SLC9A9: variants seen among roughly 807,000 people sequenced by gnomAD.
The protein encoded by SLC9A9 is solute carrier family 9 member A9.
Under a neutral mutation model 77.8 loss-of-function variants are expected in SLC9A9, and 62 were observed. That is an observed-to-expected ratio of 0.80 (90% CI 0.65 to 0.98). SLC9A9 has a LOEUF of 0.98. Ranked by LOEUF, SLC9A9 falls within the 50% of genes least tolerant of loss-of-function variation. The probability of loss-of-function intolerance (pLI) is 0.00; values close to 1 mark genes in which losing one functional copy is unlikely to be tolerated. For missense variants in SLC9A9, 775 were observed against 774.9 expected (o/e 1.00, Z 0.00); for synonymous variants, 320 against 283.5 (o/e 1.13, Z -1.29).
intron 5 of SLC9A9, among the ~76,000 whole-genome samples, chr3:143,658,731 C>A (rs1242058): frequency 0.54 from 81,405 of 151,888 alleles, 22,021 homozygotes; most frequent in Middle Eastern, 0.6. Flanking sequence ...TGATTAAAAA[C>A]CAGAAATACA....
At chr3:143,725,630 G>A (rs9821627) in intron 4 of SLC9A9, among the ~76,000 whole-genome samples, 31,767 of 125,470 alleles carry the variant, frequency 0.25, 4,339 homozygotes, top group Non-Finnish European at 0.34. Context: ...GTAAACTATC[G>A]TAAGGACAAA....
intron 12 of SLC9A9, among the ~76,000 whole-genome samples, chr3:143,444,171 T>C (rs1182149799): frequency 6.6e-6 from 1 of 152,214 alleles, no homozygotes; most frequent in Non-Finnish European, 1.5e-5. Flanking sequence ...CAACTGCATT[T>C]ATAAATGAAG....
chr3:143,556,108 T>C (rs2036975236), intron 8 of SLC9A9, among the ~76,000 whole-genome samples: 1 of 152,244 alleles, frequency 6.6e-6, no homozygotes, highest in Non-Finnish European at 1.5e-5. Context: ...CAAAGTTGAC[T>C]GTTTTCTACC....
chr3:143,778,965 T>C (rs529455898), intron 4 of SLC9A9, among the ~76,000 whole-genome samples: 29 of 152,346 alleles, frequency 1.9e-4, no homozygotes, highest in Non-Finnish European at 3.2e-4. Flanking sequence ...AACAGAGTGC[T>C]ATTACCAATG....
At chr3:143,377,992 AC>A (rs1162325763) in intron 13 of SLC9A9, among the ~76,000 whole-genome samples, 1 of 151,452 alleles carries the variant, frequency 6.6e-6, no homozygotes, top group Non-Finnish European at 1.5e-5. Flanking sequence ...CCTCTCCTCA[AC>A]CCCTTCTCAC....
chr3:143,368,316 A>G (rs538098781), intron 13 of SLC9A9, among the ~76,000 whole-genome samples: 1 of 152,352 alleles, frequency 6.6e-6, no homozygotes, highest in Admixed American at 6.5e-5. Flanking sequence ...GAGAAAACAA[A>G]AGGTTCTGGC....
chr3:143,294,013 T>C (rs924574061), intron 14 of SLC9A9, among the ~76,000 whole-genome samples: 13 of 152,206 alleles, frequency 8.5e-5, no homozygotes, highest in African/African-American at 3.1e-4. Context: ...ATGTAAAATT[T>C]TGTAGAATAT....
At position 143,265,892 on chromosome 3, in the gene SLC9A9, G is replaced by T. The variant is rs113375950; in HGVS notation, c.*810C>A. The T allele has an allele frequency of 3.7e-4, 222 of 604,206 alleles. 4 individuals are homozygous for T. The highest frequency in any genetic ancestry group is 3.0e-3 in the South Asian group (155 of 51,230). The allele number at this position is 604,206 out of a possible 1,614,324, so 37.4% of individuals were successfully genotyped here. The stretch of plus-strand genomic sequence containing the variant: ...CCTACCCTCCAGCATATCGCGGGGA[G>T]GGGGGGACCTGCTGCACAGCCAAGA... On this transcript the variant is annotated 3_prime_UTR_variant, in exon 16 of 16. Coordinates refer to ENST00000316549, the MANE Select transcript of SLC9A9 (RefSeq NM_173653.4).
At chr3:143,673,983 A>G (rs2039198184) in intron 5 of SLC9A9, among the ~76,000 whole-genome samples, 1 of 152,210 alleles carries the variant, frequency 6.6e-6, no homozygotes, top group South Asian at 2.1e-4. Flanking sequence ...GTATCTGGAA[A>G]TTTTATGTTC....
At chr3:143,391,990 G>T (rs1413970162) in intron 12 of SLC9A9, among the ~76,000 whole-genome samples, 2 of 152,064 alleles carry the variant, frequency 1.3e-5, no homozygotes, top group Non-Finnish European at 2.9e-5. Context: ...GTACCTGAAA[G>T]TGATGGGGAG....
chr3:143,740,073 G>A (rs1196487685), intron 4 of SLC9A9, among the ~76,000 whole-genome samples: 1 of 152,132 alleles, frequency 6.6e-6, no homozygotes, highest in African/African-American at 2.4e-5. Context: ...TGCTGACAAA[G>A]TCCAACTTCT....
intron 13 of SLC9A9, among the ~76,000 whole-genome samples, chr3:143,377,960 T>A (rs2033218735): frequency 6.6e-6 from 1 of 152,168 alleles, no homozygotes; most frequent in African/African-American, 2.4e-5. Context: ...CCTCCATACT[T>A]GCTGTAGCCT....
At chr3:143,551,609 A>G (rs1311694900) in intron 9 of SLC9A9, among the ~76,000 whole-genome samples, 2 of 152,328 alleles carry the variant, frequency 1.3e-5, no homozygotes, top group Non-Finnish European at 1.5e-5. Flanking sequence ...TCATCTCTGG[A>G]AACTTTCTCC....
chr3:143,549,108 A>G (rs2036838057), intron 9 of SLC9A9, among the ~76,000 whole-genome samples: 1 of 152,240 alleles, frequency 6.6e-6, no homozygotes, highest in Non-Finnish European at 1.5e-5. Flanking sequence ...AACATCATAT[A>G]ATACTTCCCA....
At chr3:143,588,159 A>G (rs1384535687) in intron 6 of SLC9A9, among the ~76,000 whole-genome samples, 1 of 152,202 alleles carries the variant, frequency 6.6e-6, no homozygotes, top group Non-Finnish European at 1.5e-5. Context: ...AACATAGAAT[A>G]AAAGAGTTAC....
intron 9 of SLC9A9, among the ~76,000 whole-genome samples, chr3:143,523,151 A>G (rs893052756): frequency 1.3e-5 from 2 of 152,172 alleles, no homozygotes; most frequent in African/African-American, 4.8e-5. Context: ...TCATATAAAA[A>G]TTCCTAGTCC....
intron 1 of SLC9A9, among the ~76,000 whole-genome samples, chr3:143,843,962 A>G (rs2009768262): frequency 6.6e-6 from 1 of 152,218 alleles, no homozygotes; most frequent in Non-Finnish European, 1.5e-5. Flanking sequence ...ACCATCGAAT[A>G]TCATAATAGA....
intron 14 of SLC9A9, among the ~76,000 whole-genome samples, chr3:143,308,984 G>A (rs1332563995): frequency 2.0e-5 from 3 of 152,136 alleles, no homozygotes; most frequent in Non-Finnish European, 4.4e-5. Context: ...TCTCTAAAGA[G>A]CTTACCAGCT....
At chr3:143,586,836 G>A (rs1191727129) in intron 6 of SLC9A9, among the ~76,000 whole-genome samples, 1 of 152,188 alleles carries the variant, frequency 6.6e-6, no homozygotes, top group Non-Finnish European at 1.5e-5. Context: ...TAGAAGAGCT[G>A]CTTCTTAATA....
Sources: gnomAD v4.1 joint callset for allele counts (sites outside exome capture counted in the v4.1 genomes callset) on GRCh38, gnomAD v4.1.1 for gene constraint, MANE v1.5 for transcripts, NCBI Gene and HGNC (gene_info 2026-07-23, HGNC 2026-07-21) for gene names.